Variants in ECE1 observed in about 807,000 individuals in gnomAD.
ECE1 encodes endothelin-converting enzyme 1.
Under a neutral mutation model 98.6 loss-of-function variants are expected in ECE1, and 35 were observed. That is an observed-to-expected ratio of 0.35 (90% CI 0.27 to 0.47). The LOEUF is 0.47. ECE1 is among the 20% of genes least tolerant of loss of function. ECE1 has a pLI of 1.00. For synonymous variants in ECE1, 394 were observed against 407.1 expected (o/e 0.97, Z 0.39); for missense variants, 814 against 1,025.3 (o/e 0.79, Z 2.81).
At chr1:21,330,133 C>CTTT (rs397860522) in intron 1 of ECE1, among the ~76,000 whole-genome samples, 4 of 86,506 alleles carry the variant, frequency 4.6e-5, no homozygotes, top group South Asian at 7.5e-4. Context: ...TCACTAAATA[C>CTTT]TTTTTTTTTT....
At chr1:21,298,979 T>A in intron 1 of ECE1, 1 of 437,578 alleles carries the variant, frequency 2.3e-6, no homozygotes, top group South Asian at 1.6e-5. Flanking sequence ...CTCATGCTCC[T>A]GTGCTCCTGT....
chr1:21,334,553 G>A (rs183016027), intron 1 of ECE1, among the ~76,000 whole-genome samples: 22 of 152,328 alleles, frequency 1.4e-4, no homozygotes, highest in Non-Finnish European at 2.2e-4. Context: ...CAGGGTGTGC[G>A]GAAGCGAGGG....
Position 21,236,725 on chromosome 1 carries a change from C to A in ECE1, c.1488+21G>T, listed in dbSNP as rs757977320. 4 of 1,612,926 alleles carry A rather than the reference C, an allele frequency of 2.5e-6. No individual in the cohort carries two copies. In the East Asian group the frequency reaches 6.7e-5, roughly 27 times the overall value. On this transcript the variant is annotated intron_variant, in intron 12 of 18. Transcript: ENST00000374893. ...GTGCTGGACGCCGCAGCACCCCCTC[C>A]AAGTGCCTGGCCAGCCTCACCTTTT...
chr1:21,227,975 C>T lies in ECE1; in HGVS notation c.1737G>A (p.Pro579=), dbSNP rs950340488. The T allele has an allele frequency of 1.9e-5, 29 of 1,561,030 alleles. No homozygotes were observed. The highest frequency in any genetic ancestry group is 1.7e-4 in the Middle Eastern group (1 of 6,020). The change falls in exon 15 of 19, where the codon CCG becomes CCA. Residue 579 remains proline, a synonymous_variant. Coordinates refer to ENST00000374893, the MANE Select transcript of ECE1 (RefSeq NM_001397.3). ...YSPTKNEIVF[P]AGILQAPFYT... is the part of the protein sequence containing the mutation. ...AGAATGGTGCCTGCAGGATCCCGGCCGGAAACACAATCTCATTCTTGGTGG... is the reference window on the plus strand; with the variant it reads ...AGAATGGTGCCTGCAGGATCCCGGCTGGAAACACAATCTCATTCTTGGTGG...
chr1:21,227,094 G>A (rs2098175295), intron 16 of ECE1, 65 bp downstream of exon 16: 2 of 1,547,016 alleles, frequency 1.3e-6, no homozygotes, highest in Admixed American at 1.7e-5. Flanking sequence ...CTGCCCTCAA[G>A]CAATCCTCCT....
At chr1:21,287,736 C>T (rs1258185905) in intron 2 of ECE1, among the ~76,000 whole-genome samples, 2 of 151,928 alleles carry the variant, frequency 1.3e-5, no homozygotes, top group Non-Finnish European at 2.9e-5. Context: ...CAGCATGTTT[C>T]GGAAGTTTCT....
intron 1 of ECE1, among the ~76,000 whole-genome samples, chr1:21,341,617 T>C (rs1020817516): frequency 2.0e-5 from 3 of 152,164 alleles, no homozygotes; most frequent in Non-Finnish European, 2.9e-5. Flanking sequence ...GGTAACAACA[T>C]CCTTGTTTAC....
chr1:21,288,829 C>T (rs1294608187), intron 2 of ECE1, among the ~76,000 whole-genome samples: 1 of 152,140 alleles, frequency 6.6e-6, no homozygotes, highest in Non-Finnish European at 1.5e-5. Flanking sequence ...GACCGAAGGC[C>T]AGTGGTTGCC....
intron 16 of ECE1, among the ~76,000 whole-genome samples, chr1:21,226,158 G>A (rs2098173958): frequency 6.6e-6 from 1 of 152,200 alleles, no homozygotes; most frequent in Admixed American, 6.5e-5. Context: ...CAATGAGGAG[G>A]ATTTTGGACA....
intron 1 of ECE1, among the ~76,000 whole-genome samples, chr1:21,309,263 G>A (rs1638663888): frequency 6.6e-6 from 1 of 152,134 alleles, no homozygotes; most frequent in South Asian, 2.1e-4. Flanking sequence ...TGTGGTTAAG[G>A]ACAGAAACTC....
intron 1 of ECE1, among the ~76,000 whole-genome samples, chr1:21,304,907 C>T (rs1019599872): frequency 6.6e-6 from 1 of 152,130 alleles, no homozygotes; most frequent in African/African-American, 2.4e-5. Context: ...AACATACTGA[C>T]GACTGGGAAA....
intron 4 of ECE1, among the ~76,000 whole-genome samples, chr1:21,267,509 C>A (rs112106268): frequency 5.3e-5 from 8 of 152,078 alleles, no homozygotes; most frequent in African/African-American, 1.9e-4. Flanking sequence ...AAGAACAGCA[C>A]GGGAAAGAGC....
chr1:21,236,923 T>C lies in ECE1; in HGVS notation c.1390-79A>G, dbSNP rs989215741. 5 of 1,307,676 alleles carry C rather than the reference T, an allele frequency of 3.8e-6. No individual in the cohort carries two copies. In the South Asian group the frequency reaches 4.7e-5, roughly 12 times the overall value. The allele number at this position is 1,307,676 out of a possible 1,614,324, so 81.0% of individuals were successfully genotyped here. A position where few individuals can be genotyped will look rare whatever the true frequency, so the allele number is the denominator to read the frequency against. ...GCAACAGGCACCCCGTGCAGAACAATGATGGCCAGAGATTAAACTCAATTT... is the reference window on the plus strand; with the variant it reads ...GCAACAGGCACCCCGTGCAGAACAACGATGGCCAGAGATTAAACTCAATTT... On this transcript the variant is annotated intron_variant, in intron 11 of 18. Coordinates refer to ENST00000374893, the MANE Select transcript of ECE1 (RefSeq NM_001397.3).
At chr1:21,257,781 C>T (rs1274437093) in intron 6 of ECE1, among the ~76,000 whole-genome samples, 191 bp from the exon 7 acceptor site, 1 of 141,422 alleles carries the variant, frequency 7.1e-6, no homozygotes, top group Admixed American at 7.1e-5. Flanking sequence ...TGCCTGTCCA[C>T]GTGGCCCCCC....
At position 21,283,517 on chromosome 1, in the gene ECE1, C is replaced by T. The variant is rs1345567184; in HGVS notation, c.139-4185G>A. ...AACTCCCGACCTCAGGTGATCTGCC[C>T]GCCTCAGCTTCCCAAAGTGCTGGGA... On this transcript the variant is annotated intron_variant, in intron 2 of 18. Coordinates refer to ENST00000374893, the MANE Select transcript of ECE1 (RefSeq NM_001397.3). 7.9e-5 allele frequency among the ~76,000 whole-genome samples: 12 copies of T among 152,282 alleles called. No homozygotes were observed. The East Asian group carries it at 2.1e-3, about 27-fold the overall frequency.
intron 1 of ECE1, among the ~76,000 whole-genome samples, chr1:21,318,270 A>AG (rs1638876112): frequency 6.6e-6 from 1 of 152,216 alleles, no homozygotes; most frequent in South Asian, 2.1e-4. Flanking sequence ...GCGCATGTGC[A>AG]GGAACTGATC....
chr1:21,331,752 T>G (rs1639204890), intron 1 of ECE1, among the ~76,000 whole-genome samples: 1 of 152,134 alleles, frequency 6.6e-6, no homozygotes, highest in Non-Finnish European at 1.5e-5. Context: ...CTCACAGGGT[T>G]GATGTGAAGA....
At chr1:21,279,144 G>C in intron 3 of ECE1, 47 bp downstream of exon 3, 1 of 1,613,812 alleles carries the variant, frequency 6.2e-7, no homozygotes, top group Non-Finnish European at 8.5e-7. Flanking sequence ...TGACGGAGCC[G>C]GGTGCAGGAG....
rs372891026 is a variant in ECE1 at position 21,220,061 on chromosome 1, C to T, written c.2207G>A (p.Arg736His). Residue 736 changes from arginine (R) to histidine (H), a missense_variant, in exon 19 of 19, where the codon CGC becomes CAC. Transcript: ENST00000374893. This position sits in a 1 kb window ranked among gnomAD's most constrained non-coding sequence, Gnocchi z 5.0. ...GLITDPHSPS[R>H]FRVIGSLSNS... Reference sequence around the variant, plus strand: ...GGAGAGGGAGCCGATGACCCGGAAGCGAGAGGGGCTGTGGGGATCGGTGAT... The same window carrying T: ...GGAGAGGGAGCCGATGACCCGGAAGTGAGAGGGGCTGTGGGGATCGGTGAT... The T allele has an allele frequency of 2.9e-5, 47 of 1,614,012 alleles. No individual in the cohort carries two copies. The highest frequency in any genetic ancestry group is 3.3e-4 in the Middle Eastern group (2 of 6,082).
Sources: gnomAD v4.1 joint callset for allele counts (sites outside exome capture counted in the v4.1 genomes callset) on GRCh38, gnomAD v4.1.1 for gene constraint, Gnocchi (gnomAD v3.1) non-coding constraint, MANE v1.5 for transcripts, NCBI Gene and HGNC (gene_info 2026-07-23, HGNC 2026-07-21) for gene names.